Variants in NOX4 observed in about 807,000 individuals in gnomAD.
NOX4 encodes kidney oxidase-1.
Under a neutral mutation model 87.6 loss-of-function variants are expected in NOX4, and 69 were observed. The ratio of observed to expected loss-of-function variants is 0.79; its 90% CI spans 0.65 to 0.96. The LOEUF (loss-of-function observed/expected upper bound fraction) is 0.96, where lower values mean the gene tolerates loss of function less well. NOX4 is among the 40% of genes least tolerant of loss of function. NOX4 has a pLI of 0.00. For missense variants in NOX4, 680 were observed against 681.5 expected (o/e 1.00, Z 0.02); for synonymous variants, 275 against 238.2 (o/e 1.15, Z -1.42).
chr11:89,492,631 AGAAAGC>A (rs1946887313), upstream of NOX4, among the ~76,000 whole-genome samples: 1 of 152,200 alleles, frequency 6.6e-6, no homozygotes, highest in African/African-American at 2.4e-5. Flanking sequence ...GACCAAATCC[AGAAAGC>A]TGTCCTAAAT....
At chr11:89,383,119 A>G (rs1040765340) in intron 11 of NOX4, among the ~76,000 whole-genome samples, 8 of 152,240 alleles carry the variant, frequency 5.3e-5, no homozygotes, top group Admixed American at 3.9e-4. Flanking sequence ...AAGATGTTCA[A>G]TAACAGAGGA....
At chr11:89,427,219 C>T (rs112364537) in intron 7 of NOX4, among the ~76,000 whole-genome samples, 5,464 of 152,086 alleles carry the variant, frequency 0.036, 321 homozygotes, top group African/African-American at 0.12. Context: ...AAACCTCATT[C>T]GCATGTCACC....
At chr11:89,342,812 AGT>A (rs1946062283) in intron 13 of NOX4, among the ~76,000 whole-genome samples, 1 of 152,040 alleles carries the variant, frequency 6.6e-6, no homozygotes, top group African/African-American at 2.4e-5. Flanking sequence ...TATATATTCA[AGT>A]GTGTGTGTGT....
At chr11:89,540,015 C>T in the NOX4 span, among the ~76,000 whole-genome samples, 2 of 152,118 alleles carry the variant, frequency 1.3e-5, no homozygotes, top group Non-Finnish European at 2.9e-5. Context: ...AAGATCTCAT[C>T]GTTTAAATCT....
chr11:89,505,126 C>A, the NOX4 span, among the ~76,000 whole-genome samples: 1 of 152,020 alleles, frequency 6.6e-6, no homozygotes, highest in South Asian at 2.1e-4. Context: ...ACTATTTTCC[C>A]AGAGAACCCT....
At chr11:89,524,197 G>T in the NOX4 span, among the ~76,000 whole-genome samples, 373 of 152,242 alleles carry the variant, frequency 2.5e-3, 3 homozygotes, top group Admixed American at 0.016. Context: ...TTCTGAAAAT[G>T]TATTAACCTT....
upstream of NOX4, among the ~76,000 whole-genome samples, chr11:89,494,970 T>A (rs186912400): frequency 1.3e-5 from 2 of 152,312 alleles, no homozygotes; most frequent in East Asian, 3.9e-4. Flanking sequence ...TGAGACAGGA[T>A]CTCGCTGTGT....
At chr11:89,532,678 A>G in the NOX4 span, among the ~76,000 whole-genome samples, 1 of 152,116 alleles carries the variant, frequency 6.6e-6, no homozygotes, top group Non-Finnish European at 1.5e-5. Flanking sequence ...TCAGAAGGAC[A>G]TGAGATTTGG....
At chr11:89,547,917 C>G in the NOX4 span, among the ~76,000 whole-genome samples, 1 of 152,024 alleles carries the variant, frequency 6.6e-6, no homozygotes, top group South Asian at 2.1e-4. Flanking sequence ...TGGACCCTCT[C>G]ACCACATTCT....
chr11:89,555,358 C>T, the NOX4 span, among the ~76,000 whole-genome samples: 1 of 151,978 alleles, frequency 6.6e-6, no homozygotes, highest in Non-Finnish European at 1.5e-5. Context: ...TGGTAGTGAA[C>T]ACCTATAGTC....
intron 11 of NOX4, among the ~76,000 whole-genome samples, chr11:89,384,885 T>C (rs1276999217): frequency 6.6e-6 from 1 of 152,190 alleles, no homozygotes; most frequent in Non-Finnish European, 1.5e-5. Context: ...TGTATCTCTC[T>C]GATCCACCTG....
At chr11:89,560,040 G>A in the NOX4 span, among the ~76,000 whole-genome samples, 15 of 152,112 alleles carry the variant, frequency 9.9e-5, 2 homozygotes, top group Admixed American at 9.2e-4. Flanking sequence ...AGGTATAATC[G>A]AGTTAAGATG....
intron 11 of NOX4, among the ~76,000 whole-genome samples, chr11:89,388,180 G>A (rs182713285): frequency 2.0e-5 from 3 of 151,934 alleles, no homozygotes; most frequent in East Asian, 1.9e-4. Flanking sequence ...TCTCATAAAC[G>A]ATCTATGTTT....
At chr11:89,402,812 C>A (rs1405507046) in intron 8 of NOX4, among the ~76,000 whole-genome samples, 2 of 152,152 alleles carry the variant, frequency 1.3e-5, no homozygotes, top group African/African-American at 4.8e-5. Context: ...CATGCAATCT[C>A]TCCAGGCATT....
chr11:89,467,673 T>C (rs550060761), intron 2 of NOX4, among the ~76,000 whole-genome samples: 1 of 152,214 alleles, frequency 6.6e-6, no homozygotes, highest in African/African-American at 2.4e-5. Context: ...CATCACCTAA[T>C]CACCAAGTCA....
At chr11:89,380,152 G>A (rs958254863) in intron 11 of NOX4, among the ~76,000 whole-genome samples, 1 of 152,220 alleles carries the variant, frequency 6.6e-6, no homozygotes, top group Non-Finnish European at 1.5e-5. Flanking sequence ...AGAGAAATGT[G>A]TACAGCTAGA....
At chr11:89,530,339 C>A in the NOX4 span, among the ~76,000 whole-genome samples, 1 of 125,228 alleles carries the variant, frequency 8.0e-6, no homozygotes, top group African/African-American at 3.0e-5. Flanking sequence ...TTCTAGATGT[C>A]TATTCTTTTT....
the NOX4 span, among the ~76,000 whole-genome samples, chr11:89,572,529 T>C: frequency 1.3e-5 from 2 of 151,634 alleles, no homozygotes; most frequent in African/African-American, 4.9e-5. Context: ...ATATGTTTTT[T>C]TGTTTGTTTG....
chr11:89,392,798 T>C (rs1941218847), intron 11 of NOX4, among the ~76,000 whole-genome samples: 1 of 152,166 alleles, frequency 6.6e-6, no homozygotes, highest in Non-Finnish European at 1.5e-5. Flanking sequence ...GAGCTCATGG[T>C]AACCAAAATA....
Sources: gnomAD v4.1 joint callset for allele counts (sites outside exome capture counted in the v4.1 genomes callset) on GRCh38, gnomAD v4.1.1 for gene constraint, MANE v1.5 for transcripts, NCBI Gene and HGNC (gene_info 2026-07-23, HGNC 2026-07-21) for gene names.